Variants in TTLL2 observed in about 807,000 individuals in gnomAD.
TTLL2 encodes the protein probable tubulin polyglutamylase TTLL2.
Under a neutral mutation model 7.5 loss-of-function variants are expected in TTLL2, and 10 were observed. The ratio of observed to expected loss-of-function variants is 1.33; its 90% CI spans 0.82 to 2.25. The LOEUF is 2.25. Among genes scored for constraint, TTLL2 ranks in the 30% most tolerant of loss-of-function variants. The pLI, the probability that TTLL2 is intolerant of heterozygous loss-of-function variation, is 0.00. For missense variants in TTLL2, 733 were observed against 735.7 expected, an observed-to-expected ratio of 1.00 and a Z score of 0.04; for synonymous variants, 284 against 280.3, an observed-to-expected ratio of 1.01 and a Z score of -0.13.
chr6:167,326,026 G>C (rs1778844540), intron 1 of TTLL2, among the ~76,000 whole-genome samples: 1 of 152,142 alleles, frequency 6.6e-6, no homozygotes, highest in Non-Finnish European at 1.5e-5. Context: ...TCATGATGAG[G>C]GAAGAGATCA....
intron 2 of TTLL2, among the ~76,000 whole-genome samples, chr6:167,339,557 C>T (rs1223629894): frequency 6.6e-6 from 1 of 152,160 alleles, no homozygotes; most frequent in Non-Finnish European, 1.5e-5. Flanking sequence ...CCTCTATGCA[C>T]CGAAACCCCT....
At chr6:167,325,468 C>A (rs1778837188) in intron 1 of TTLL2, among the ~76,000 whole-genome samples, 1 of 152,176 alleles carries the variant, frequency 6.6e-6, no homozygotes, top group African/African-American at 2.4e-5. Context: ...CTCCTGCATG[C>A]TGAGGTGCCA....
chr6:167,329,751 A>G (rs1460329837), intron 1 of TTLL2, among the ~76,000 whole-genome samples: 1 of 152,134 alleles, frequency 6.6e-6, no homozygotes, highest in African/African-American at 2.4e-5. Context: ...CTCTGCAATC[A>G]AGTGCCCCAG....
chr6:167,328,886 C>G (rs1420040302), intron 1 of TTLL2, among the ~76,000 whole-genome samples: 3 of 152,130 alleles, frequency 2.0e-5, no homozygotes, highest in Non-Finnish European at 2.9e-5. Flanking sequence ...CCTATGGAAA[C>G]AGGCACAGGG....
chr6:167,340,376 T>C lies in TTLL2; in HGVS notation c.476T>C (p.Leu159Ser), dbSNP rs148105716. 1 of 1,613,894 alleles carries C rather than the reference T, an allele frequency of 6.2e-7. No individual in the cohort carries two copies. Among genetic ancestry groups the C allele is most frequent in the South Asian group, 1.1e-5 (1 of 91,082 alleles). Residue 159 changes from leucine to serine, a missense_variant, in exon 3 of 3, where the codon TTG becomes TCG. Leu to Ser is a moderately radical substitution (Grantham distance 145). Coordinates refer to ENST00000239587, the MANE Select transcript of TTLL2 (RefSeq NM_031949.5). ...ACCAAGCTTACCAGGAAAGACTGTT[T>C]GGCCAAACACCTGAAGCACATGAGG... ...GTTKLTRKDC[L>S]AKHLKHMRRM...
At position 167,340,964 on chromosome 6, in the gene TTLL2, C is replaced by T. The variant is rs1779081594; in HGVS notation, c.1064C>T (p.Ala355Val). 2 of 1,614,088 alleles carry T rather than the reference C, an allele frequency of 1.2e-6. No individual in the cohort carries two copies. The highest frequency in any genetic ancestry group is 8.5e-7 in the Non-Finnish European group (1 of 1,180,024). ...IHRMVILTIL[A>V]IAPSVPFAAN... ...CGCATGGTTATTCTCACCATTCTCG[C>T]CATTGCACCATCTGTCCCCTTTGCT... The change falls in exon 3 of 3, where the codon GCC becomes GTC. Residue 355 changes from alanine (A) to valine (V), a missense_variant. Transcript: ENST00000239587.
intron 1 of TTLL2, among the ~76,000 whole-genome samples, chr6:167,336,100 A>G (rs73266960): frequency 0.021 from 3,217 of 152,058 alleles, 130 homozygotes; most frequent in African/African-American, 0.074. Context: ...TGACTGTGCC[A>G]TAGTAAACAC....
At chr6:167,338,120 C>T (rs1231432561) in intron 1 of TTLL2, among the ~76,000 whole-genome samples, 2 of 151,620 alleles carry the variant, frequency 1.3e-5, no homozygotes, top group Admixed American at 6.6e-5. Flanking sequence ...GACACACATA[C>T]ATGATACATA....
In TTLL2 at chr6:167,341,926, T is replaced by C. The variant is rs1779103555; in HGVS notation, c.*247T>C. ...AGGTGTCTTGAAAGAATTCTACAAA[T>C]ACCACACAGCCTCCCACCAGTAATT... On this transcript the variant is annotated 3_prime_UTR_variant, in exon 3 of 3. Transcript: ENST00000239587. 4.2e-6 allele frequency: 2 copies of C among 476,230 alleles called. No individual in the cohort carries two copies. The highest frequency in any genetic ancestry group is 7.4e-6 in the Non-Finnish European group (2 of 271,704). The allele number at this position is 476,230 out of a possible 1,614,324, so 29.5% of individuals were successfully genotyped here.
rs1369627392 is a variant in TTLL2, at chr6:167,342,383, A to T, written c.*704A>T. ...GCATCTGCAGTCCTAAGACATAAAA[A>T]TTCCAGTAGGTTACTTGAAAACATT... On this transcript the variant is annotated 3_prime_UTR_variant, in exon 3 of 3. Transcript: ENST00000239587. Among the ~76,000 whole-genome samples the T allele has an allele frequency of 6.6e-6, 1 of 152,238 alleles. No homozygotes were observed. The highest frequency in any genetic ancestry group is 2.4e-5 in the African/African-American group (1 of 41,452).
At chr6:167,332,552 A>C (rs1444465554) in intron 1 of TTLL2, among the ~76,000 whole-genome samples, 1 of 150,658 alleles carries the variant, frequency 6.6e-6, no homozygotes, top group Non-Finnish European at 1.5e-5. Context: ...TTTTCACGAT[A>C]TTGATTCTTC....
chr6:167,341,783 T>G lies in TTLL2; in HGVS notation c.*104T>G. 1 of 1,250,062 alleles carries G rather than the reference T, an allele frequency of 8.0e-7. No homozygotes were observed. The highest frequency in any genetic ancestry group is 1.1e-6 in the Non-Finnish European group (1 of 928,426). The allele number at this position is 1,250,062 out of a possible 1,614,324, so 77.4% of individuals were successfully genotyped here. Reference sequence around the variant, plus strand: ...CAAGTCCCTACCTGTGCCACCAGCATGTTAACTATGACATTGGGACTGAAG... The same window carrying G: ...CAAGTCCCTACCTGTGCCACCAGCAGGTTAACTATGACATTGGGACTGAAG... On this transcript the variant is annotated 3_prime_UTR_variant, in exon 3 of 3. Transcript: ENST00000239587.
At chr6:167,327,613 C>A (rs564445500) in intron 1 of TTLL2, among the ~76,000 whole-genome samples, 19 of 152,178 alleles carry the variant, frequency 1.2e-4, no homozygotes, top group African/African-American at 4.1e-4. Flanking sequence ...ACATTCACAC[C>A]AAGATGGCAT....
rs537477915 is a variant in TTLL2 at position 167,330,934 on chromosome 6, G to A, written c.47+5714G>A. On this transcript the variant is annotated intron_variant, in intron 1 of 2. Coordinates refer to ENST00000239587, the MANE Select transcript of TTLL2 (RefSeq NM_031949.5). ...AACACTGCAGCATGAGCTCGATAGCGCCTGACTGGGCAAGCCTGCAGCTCA... is the reference window on the plus strand; with the variant it reads ...AACACTGCAGCATGAGCTCGATAGCACCTGACTGGGCAAGCCTGCAGCTCA... Among the ~76,000 whole-genome samples the A allele has an allele frequency of 1.2e-4, 19 of 152,246 alleles. 1 individual carries two copies. In the South Asian group the frequency reaches 2.5e-3, roughly 20 times the overall value.
intron 1 of TTLL2, chr6:167,328,011 A>G (rs570455319): frequency 4.4e-6 from 2 of 456,260 alleles, no homozygotes; most frequent in Admixed American, 2.3e-5. Context: ...CAGTTCGATG[A>G]CACCTGAAAT....
rs138043999 is a variant in TTLL2 at position 167,340,478 on chromosome 6, C to T, written c.578C>T (p.Ala193Val). ...VMPNDYTKFV[A>V]EYFQERQMLG... The stretch of plus-strand genomic sequence containing the variant: ...CCCAATGACTATACCAAGTTCGTGG[C>T]TGAATACTTTCAGGAGAGGCAGATG... Residue 193 changes from alanine (A) to valine (V), a missense_variant, in exon 3 of 3, where the codon GCT (alanine) becomes GTT (valine). Transcript: ENST00000239587. 15 of 1,614,136 alleles carry T rather than the reference C, an allele frequency of 9.3e-6. No homozygotes were observed. The highest frequency in any genetic ancestry group is 1.6e-4 in the Middle Eastern group (1 of 6,062).
intron 1 of TTLL2, among the ~76,000 whole-genome samples, chr6:167,337,385 T>C (rs906486598): frequency 1.3e-5 from 2 of 152,098 alleles, no homozygotes; most frequent in Non-Finnish European, 2.9e-5. Context: ...GAGACGGAAC[T>C]GAGGTTTGCA....
At position 167,340,603 on chromosome 6, in the gene TTLL2, G is replaced by A. The variant is rs375168956; in HGVS notation, c.703G>A (p.Asp235Asn). The A allele has an allele frequency of 2.5e-6, 4 of 1,614,176 alleles. No homozygotes were observed. Among genetic ancestry groups the A allele is most frequent in the Non-Finnish European group, 3.4e-6 (4 of 1,180,034 alleles). Residue 235 changes from aspartate (D) to asparagine (N), a missense_variant, in exon 3 of 3, where the codon GAT becomes AAT. Transcript: ENST00000239587. ...TGACTTTAAAGACTTCATCTTTGAT[G>A]ATATGTACATAGTGCAGAAATATAT... is the stretch of plus-strand genomic sequence containing the variant. ...FSDFKDFIFD[D>N]MYIVQKYISN...
At position 167,340,299 on chromosome 6, in the gene TTLL2, C is replaced by T. The variant is rs754743567; in HGVS notation, c.399C>T (p.Thr133=). 1.4e-5 allele frequency: 22 copies of T among 1,613,908 alleles called. No individual in the cohort carries two copies. The highest frequency in any genetic ancestry group is 6.7e-5 in the African/African-American group (5 of 74,860). Residue 133 remains threonine (T), a synonymous_variant, in exon 3 of 3, where the codon ACC becomes ACT. Transcript: ENST00000239587. ...LYWRTSSFRM[T]EHNSVKPWQQ... is the part of the protein sequence containing the mutation. ...GGAGGACATCCTCTTTCCGAATGAC[C>T]GAACACAACAGTGTTAAACCGTGGC...
Sources: allele counts gnomAD v4.1 joint callset (sites outside exome capture counted in the v4.1 genomes callset), GRCh38; gene constraint gnomAD v4.1.1; transcripts MANE v1.5; gene names NCBI Gene and HGNC (gene_info 2026-07-23, HGNC 2026-07-21).